Variants in SIGLEC1 observed in about 807,000 individuals in gnomAD.
SIGLEC1 encodes the protein sialoadhesin.
Under a neutral mutation model 148.0 loss-of-function variants are expected in SIGLEC1, and 132 were observed. That is an observed-to-expected ratio of 0.89 (90% CI 0.77 to 1.03). SIGLEC1 has a LOEUF of 1.03. Ranked by LOEUF, SIGLEC1 falls within the 50% of genes least tolerant of loss-of-function variation. SIGLEC1 has a pLI of 0.00. For synonymous variants in SIGLEC1, 945 were observed against 969.0 expected (o/e 0.98, Z 0.46); for missense variants, 2,253 against 2,271.4 (o/e 0.99, Z 0.16).
intron 1 of SIGLEC1, among the ~76,000 whole-genome samples, chr20:3,708,801 A>C (rs2087912907): frequency 6.6e-6 from 1 of 152,174 alleles, no homozygotes; most frequent in Non-Finnish European, 1.5e-5. Flanking sequence ...TAATCCCAGC[A>C]CTTTGGGAGG....
chr20:3,694,541 G>A lies in SIGLEC1; in HGVS notation c.2945-9C>T. 7.7e-6 allele frequency: 12 copies of A among 1,559,144 alleles called. No homozygotes were observed. Among genetic ancestry groups the A allele is most frequent in the Non-Finnish European group, 1.0e-5 (12 of 1,150,328 alleles). ...GACGTGGCGTGGGGCATCTACACAG[G>A]GTGGGGAGTGGTCAGGACCCAGCCA... On this transcript the variant is annotated splice_polypyrimidine_tract_variant and intron_variant, in intron 12 of 21. Transcript: ENST00000344754.
chr20:3,698,095 G>T lies in SIGLEC1; in HGVS notation c.1825C>A (p.Leu609Ile), dbSNP rs758605261. The change falls in exon 9 of 22, where the codon CTT becomes ATT. Residue 609 changes from leucine to isoleucine, a missense_variant. Leu to Ile is a conservative substitution (Grantham distance 5). Coordinates refer to ENST00000344754, the MANE Select transcript of SIGLEC1 (RefSeq NM_023068.4). Reference protein sequence around the residue: ...RQPTFTTRLDLDAAGAGAGRR... With the variant: ...RQPTFTTRLDIDAAGAGAGRR... ...CCAGCCCCGGCCCCAGCGGCATCAAGGTCCAGCCTGGTGGTGAATGTTGGT... is the reference window on the plus strand; with the variant it reads ...CCAGCCCCGGCCCCAGCGGCATCAATGTCCAGCCTGGTGGTGAATGTTGGT... The T allele has an allele frequency of 3.1e-6, 5 of 1,606,110 alleles. No individual in the cohort carries two copies. The highest frequency in any genetic ancestry group is 2.7e-5 in the African/African-American group (2 of 74,552).
Position 3,688,293 on chromosome 20 carries a change from G to C in SIGLEC1, c.*267C>G. ...GGGCTTCCTTTGAGGGAGAAATGGA[G>C]AGAAGGGAGGAGATCCAGAGAAGAG... On this transcript the variant is annotated 3_prime_UTR_variant, in exon 22 of 22. Coordinates refer to ENST00000344754, the MANE Select transcript of SIGLEC1 (RefSeq NM_023068.4). 2 of 461,644 alleles carry C rather than the reference G, an allele frequency of 4.3e-6. No individual in the cohort carries two copies. The highest frequency in any genetic ancestry group is 8.0e-6 in the Non-Finnish European group (2 of 250,602). The allele number at this position is 461,644 out of a possible 1,614,324, so 28.6% of individuals were successfully genotyped here. A position where few individuals can be genotyped will look rare whatever the true frequency, so the allele number is the denominator to read the frequency against.
Position 3,692,062 on chromosome 20 carries a change from C to G in SIGLEC1, c.4171G>C (p.Gly1391Arg). 6.2e-7 allele frequency: 1 copy of G among 1,612,136 alleles called. No homozygotes were observed. The highest frequency in any genetic ancestry group is 8.5e-7 in the Non-Finnish European group (1 of 1,179,546). Residue 1391 changes from glycine (G) to arginine (R), a missense_variant, in exon 17 of 22, where the codon GGG becomes CGG. By Grantham distance (125) the Gly-to-Arg change is moderately radical. Coordinates refer to ENST00000344754, the MANE Select transcript of SIGLEC1 (RefSeq NM_023068.4). ...GTCCCTGATGCCAAGCTGTGGACCC[C>G]GCTGCTCGTGGCCAGCACCTTGCCA... Reference protein sequence around the residue: ...HDGKVLATSSGVHSLASGTGH... With the variant: ...HDGKVLATSSRVHSLASGTGH...
At position 3,691,504 on chromosome 20, in the gene SIGLEC1, T is replaced by C. The variant is rs1231371261; in HGVS notation, c.4427A>G (p.Asn1476Ser). 14 of 1,613,120 alleles carry C rather than the reference T, an allele frequency of 8.7e-6. No individual in the cohort carries two copies. Among genetic ancestry groups the C allele is most frequent in the Non-Finnish European group, 1.1e-5 (13 of 1,179,992 alleles). ...ATTCCAGAACCATGCAAAGGTGGAG[T>C]TGCCCACAGGCCCAGGGCCACCCAG... is the stretch of plus-strand genomic sequence containing the variant. ...RLLGGPGPVG[N>S]STFAWFWNDR... The change falls in exon 18 of 22, where the codon AAC (asparagine) becomes AGC (serine). Residue 1476 changes from asparagine (N) to serine (S), a missense_variant. Transcript: ENST00000344754.
Position 3,707,221 on chromosome 20 carries a change from T to C in SIGLEC1, c.-93A>G. 1 of 1,147,552 alleles carries C rather than the reference T, an allele frequency of 8.7e-7. No individual in the cohort carries two copies. Among genetic ancestry groups the C allele is most frequent in the East Asian group, 2.5e-5 (1 of 40,672 alleles). 71.1% of individuals were successfully genotyped at this position (1,147,552 alleles called of 1,614,324 possible). A position where few individuals can be genotyped will look rare whatever the true frequency, so the allele number is the denominator to read the frequency against. ...GGCCTCCAGGGACACCTCTGGGCAC[T>C]TTAGCCCCAGCACCTGCTAGAAGTC... is the stretch of plus-strand genomic sequence containing the variant. On this transcript the variant is annotated 5_prime_UTR_variant, in exon 2 of 22. Coordinates refer to ENST00000344754, the MANE Select transcript of SIGLEC1 (RefSeq NM_023068.4).
Position 3,706,596 on chromosome 20 carries a change from C to T in SIGLEC1, c.160G>A (p.Gly54Ser), listed in dbSNP as rs749744575. 46 of 1,610,460 alleles carry T rather than the reference C, an allele frequency of 2.9e-5. No homozygotes were observed. The highest frequency in any genetic ancestry group is 6.7e-5 in the African/African-American group (5 of 74,888). ...TCGTAGTACCAGATGGCCGTGATGC[C>T]GTCGGGCACCTCCACGTCGGCAGGG... Reference protein sequence around the residue: ...SFPADVEVPDGITAIWYYDYS... With the variant: ...SFPADVEVPDSITAIWYYDYS... The change falls in exon 3 of 22, where the codon GGC (glycine) becomes AGC (serine). Residue 54 changes from glycine to serine, a missense_variant. Physicochemically the swap from Gly to Ser is moderately conservative, Grantham distance 56. Coordinates refer to ENST00000344754, the MANE Select transcript of SIGLEC1 (RefSeq NM_023068.4).
chr20:3,688,589 T>A lies in SIGLEC1; in HGVS notation c.5101A>T (p.Thr1701Ser). 6.3e-7 allele frequency: 1 copy of A among 1,599,414 alleles called. No individual in the cohort carries two copies. The highest frequency in any genetic ancestry group is 1.2e-5 in the South Asian group (1 of 85,928). Residue 1701 changes from threonine to serine, a missense_variant, in exon 22 of 22, where the codon ACC becomes TCC. Transcript: ENST00000344754. ...LIDPDAATCE[T>S]STCAPPLG ...CCCAGGGGTGGGGCACAGGTTGAGG[T>A]CTCACATGTGGCTGCATCAGGATCA... is the stretch of plus-strand genomic sequence containing the variant.
At position 3,688,447 on chromosome 20, in the gene SIGLEC1, A is replaced by G. The variant is rs2088720454; in HGVS notation, c.*113T>C. 2.2e-6 allele frequency: 2 copies of G among 909,220 alleles called. No individual in the cohort carries two copies. Among genetic ancestry groups the G allele is most frequent in the East Asian group, 5.3e-5 (2 of 37,616 alleles). 56.3% of individuals were successfully genotyped at this position (909,220 alleles called of 1,614,324 possible). ...GGTCATAAAAAGTCAGATGTCACAG[A>G]GCTGTTTTCGTAGAGGCGGGCAGGA... On this transcript the variant is annotated 3_prime_UTR_variant, in exon 22 of 22. Coordinates refer to ENST00000344754, the MANE Select transcript of SIGLEC1 (RefSeq NM_023068.4).
At chr20:3,700,181 A>C (rs1352898539) in intron 7 of SIGLEC1, among the ~76,000 whole-genome samples, 3 of 117,094 alleles carry the variant, frequency 2.6e-5, no homozygotes, top group Non-Finnish European at 5.1e-5. Context: ...GCAGTGGCGC[A>C]ATCTCAGCTC....
At chr20:3,712,201 G>C (rs997381666) in intron 1 of SIGLEC1, among the ~76,000 whole-genome samples, 11 of 151,960 alleles carry the variant, frequency 7.2e-5, no homozygotes, top group Non-Finnish European at 1.6e-4. Flanking sequence ...ATAGGGGCTG[G>C]GGCTGGGGCT....
chr20:3,705,730 C>G lies in SIGLEC1; in HGVS notation c.706+14G>C. The stretch of plus-strand genomic sequence containing the variant: ...ATGCGCTCAGCCACAAGGGTGTGTC[C>G]CCAGACAACTCACACTTCACTTGGA... On this transcript the variant is annotated intron_variant, in intron 4 of 21. Coordinates refer to ENST00000344754, the MANE Select transcript of SIGLEC1 (RefSeq NM_023068.4). The G allele has an allele frequency of 6.3e-7, 1 of 1,594,722 alleles. No individual in the cohort carries two copies. Among genetic ancestry groups the G allele is most frequent in the Middle Eastern group, 1.7e-4 (1 of 5,990 alleles).
chr20:3,704,464 G>C (rs190013403), intron 4 of SIGLEC1, among the ~76,000 whole-genome samples: 1 of 152,368 alleles, frequency 6.6e-6, no homozygotes, highest in Non-Finnish European at 1.5e-5. Flanking sequence ...GAAGCTATTG[G>C]TAAGGGACCA....
Position 3,707,193 on chromosome 20 carries a change from A to C in SIGLEC1, c.-65T>G. 1 of 1,451,004 alleles carries C rather than the reference A, an allele frequency of 6.9e-7. No homozygotes were observed. The highest frequency in any genetic ancestry group is 9.7e-7 in the Non-Finnish European group (1 of 1,036,118). The allele number at this position is 1,451,004 out of a possible 1,614,324, so 89.9% of individuals were successfully genotyped here. On this transcript the variant is annotated 5_prime_UTR_variant, in exon 2 of 22. Coordinates refer to ENST00000344754, the MANE Select transcript of SIGLEC1 (RefSeq NM_023068.4). The stretch of plus-strand genomic sequence containing the variant: ...TGCGCACTGCGCTGGCTGGGCTCAC[A>C]GGGGCCTCCAGGGACACCTCTGGGC...
rs2087819922 is a variant in SIGLEC1 at position 3,698,061 on chromosome 20, C to T, written c.1859G>A (p.Gly620Asp). 1.2e-6 allele frequency: 2 copies of T among 1,605,574 alleles called. No homozygotes were observed. The highest frequency in any genetic ancestry group is 1.7e-6 in the Non-Finnish European group (2 of 1,177,132). Residue 620 changes from glycine (G) to aspartate (D), a missense_variant, in exon 9 of 22, where the codon GGC (glycine) becomes GAC (aspartate). Gly to Asp is a moderately conservative substitution (Grantham distance 94). Transcript: ENST00000344754. ...DAAGAGAGRRGLLLCRVDSDP... is the reference protein window; with the variant it reads ...DAAGAGAGRRDLLLCRVDSDP... Reference sequence around the variant, plus strand: ...GCTGTCCACACGGCACAAAAGGAGGCCTCGCCGTCCAGCCCCGGCCCCAGC... The same window carrying T: ...GCTGTCCACACGGCACAAAAGGAGGTCTCGCCGTCCAGCCCCGGCCCCAGC...
intron 1 of SIGLEC1, among the ~76,000 whole-genome samples, chr20:3,711,998 A>T (rs2087931225): frequency 6.6e-6 from 1 of 150,376 alleles, no homozygotes; most frequent in African/African-American, 2.5e-5. Context: ...AGGTTGAGTG[A>T]TGGGTGGGGG....
rs2087849968 is a variant in SIGLEC1 at position 3,701,387 on chromosome 20, T to C, written c.1483A>G (p.Asn495Asp). ...GTGGAGGTTGCATTTCCAAGGGAGT[T>C]GGTGGCTGAGCACTTGTACTCCCCA... ...DSGEYKCSAT[N>D]SLGNATSTLD... The change falls in exon 7 of 22, where the codon AAC becomes GAC. Residue 495 changes from asparagine to aspartate, a missense_variant. Coordinates refer to ENST00000344754, the MANE Select transcript of SIGLEC1 (RefSeq NM_023068.4). The C allele has an allele frequency of 2.5e-6, 4 of 1,613,850 alleles. No individual in the cohort carries two copies. Among genetic ancestry groups the C allele is most frequent in the Non-Finnish European group, 3.4e-6 (4 of 1,179,864 alleles).
rs759945489 is a variant in SIGLEC1 at position 3,703,882 on chromosome 20, G to T, written c.916C>A (p.Gln306Lys). ...AAAGAGCCCACGCCGTTCTCAGCTT[G>T]GCAGGTGTAGACGCCAGCATCGCTC... ...AWSDAGVYTC[Q>K]AENGVGSLVS... Residue 306 changes from glutamine to lysine, a missense_variant, in exon 5 of 22, where the codon CAA becomes AAA. Transcript: ENST00000344754. 2 of 1,614,134 alleles carry T rather than the reference G, an allele frequency of 1.2e-6. No homozygotes were observed. Among genetic ancestry groups the T allele is most frequent in the African/African-American group, 2.7e-5 (2 of 75,064 alleles).
chr20:3,687,224 G>A lies in SIGLEC1; in HGVS notation c.*1336C>T, dbSNP rs1315029790. 1 of 152,274 alleles carries A rather than the reference G, an allele frequency of 6.6e-6. No individual in the cohort carries two copies. Among genetic ancestry groups the A allele is most frequent in the African/African-American group, 2.4e-5 (1 of 41,464 alleles). The allele number at this position is 152,274 out of a possible 1,614,324, so 9.4% of individuals were successfully genotyped here. A position where few individuals can be genotyped will look rare whatever the true frequency, so the allele number is the denominator to read the frequency against. Reference sequence around the variant, plus strand: ...CTCACACCATCTCCACCAGGCTGCAGGGGGAGTCACTAGCCCACTCAAGAG... The same window carrying A: ...CTCACACCATCTCCACCAGGCTGCAAGGGGAGTCACTAGCCCACTCAAGAG... On this transcript the variant is annotated 3_prime_UTR_variant, in exon 22 of 22. Coordinates refer to ENST00000344754, the MANE Select transcript of SIGLEC1 (RefSeq NM_023068.4).
Sources: gnomAD v4.1 joint callset for allele counts (sites outside exome capture counted in the v4.1 genomes callset) on GRCh38, gnomAD v4.1.1 for gene constraint, MANE v1.5 for transcripts, NCBI Gene and HGNC (gene_info 2026-07-23, HGNC 2026-07-21) for gene names.